BMPR1B: variants seen among roughly 807,000 people sequenced by gnomAD.
The protein encoded by BMPR1B is bone morphogenetic protein receptor type 1B.
BMPR1B carries 12 observed loss-of-function variants against 59.1 expected under a neutral mutation model. That is an observed-to-expected ratio of 0.20 (90% CI 0.13 to 0.33). The LOEUF is 0.33. Among genes scored for constraint, BMPR1B ranks in the 10% least tolerant of loss-of-function variants. The pLI is 1.00. For missense variants in BMPR1B, 550 were observed against 610.9 expected (o/e 0.90, Z 1.05); for synonymous variants, 237 against 207.3 (o/e 1.14, Z -1.23).
chr4:95,014,593 C>T (rs1199008352), intron 3 of BMPR1B, among the ~76,000 whole-genome samples: 1 of 152,116 alleles, frequency 6.6e-6, no homozygotes, highest in Admixed American at 6.6e-5. Flanking sequence ...GGCATGATTG[C>T]ATTCTCTATT....
chr4:94,777,747 C>T lies in BMPR1B; in HGVS notation c.-183+19679C>T, dbSNP rs574492284. On this transcript the variant is annotated intron_variant, in intron 1 of 12. Transcript: ENST00000515059. Reference sequence around the variant, plus strand: ...TTTTAAAAAATATAGAAGTTTTGGCCGGGCGTGGTGTCTCACGTCTGTAAT... The same window carrying T: ...TTTTAAAAAATATAGAAGTTTTGGCTGGGCGTGGTGTCTCACGTCTGTAAT... Among the ~76,000 whole-genome samples the T allele has an allele frequency of 3.4e-3, 518 of 152,092 alleles. 7 individuals are homozygous for T. The highest frequency in any genetic ancestry group is 0.012 in the African/African-American group (477 of 41,464).
intron 2 of BMPR1B, among the ~76,000 whole-genome samples, chr4:94,987,715 T>A (rs1238801219): frequency 6.6e-6 from 1 of 152,186 alleles, no homozygotes; most frequent in Admixed American, 6.5e-5. Flanking sequence ...TACTTCTTAT[T>A]CTTAAGATTC....
intron 1 of BMPR1B, among the ~76,000 whole-genome samples, chr4:94,801,809 GA>G (rs1355051036): frequency 1.3e-5 from 2 of 152,070 alleles, no homozygotes; most frequent in Non-Finnish European, 2.9e-5. Flanking sequence ...TTCTTCCCTG[GA>G]TTTTGCTGAG....
intron 1 of BMPR1B, among the ~76,000 whole-genome samples, chr4:94,826,242 G>A (rs934237654): frequency 6.6e-6 from 1 of 152,142 alleles, no homozygotes; most frequent in African/African-American, 2.4e-5. Context: ...CTTCGGCTGT[G>A]GTCTTTCGGT....
intron 3 of BMPR1B, among the ~76,000 whole-genome samples, chr4:95,032,734 G>GA (rs1724966288): frequency 6.6e-6 from 1 of 152,100 alleles, no homozygotes; most frequent in African/African-American, 2.4e-5. Context: ...ATATTCTGTT[G>GA]TAGTGTAGAC....
chr4:95,139,055 T>C (rs1734018861), intron 10 of BMPR1B, among the ~76,000 whole-genome samples: 1 of 152,164 alleles, frequency 6.6e-6, no homozygotes, highest in African/African-American at 2.4e-5. Flanking sequence ...TTTATCTGCC[T>C]TTGGTCTTTG....
At chr4:95,134,303 T>C (rs943016690) in intron 10 of BMPR1B, among the ~76,000 whole-genome samples, 1 of 152,212 alleles carries the variant, frequency 6.6e-6, no homozygotes, top group African/African-American at 2.4e-5. Flanking sequence ...TCCCAGTCTT[T>C]GCTATTGTGA....
chr4:94,950,613 T>A (rs181296280), intron 2 of BMPR1B, among the ~76,000 whole-genome samples: 23 of 152,250 alleles, frequency 1.5e-4, no homozygotes, highest in Admixed American at 9.8e-4. Flanking sequence ...TGTGTGGTGT[T>A]GTTTCTGAGG....
chr4:94,907,836 C>G (rs1728106381), intron 2 of BMPR1B, among the ~76,000 whole-genome samples: 1 of 151,208 alleles, frequency 6.6e-6, no homozygotes, highest in Admixed American at 6.6e-5. Flanking sequence ...CTTTTTCTAT[C>G]TAGTAGTAAA....
intron 2 of BMPR1B, among the ~76,000 whole-genome samples, chr4:94,947,381 G>T (rs889901894): frequency 6.6e-6 from 1 of 152,206 alleles, no homozygotes; most frequent in Non-Finnish European, 1.5e-5. Flanking sequence ...TGGGTAAAGC[G>T]AAAGACTGGA....
chr4:94,805,554 GTGT>G (rs1213215920), intron 1 of BMPR1B, among the ~76,000 whole-genome samples: 15 of 152,146 alleles, frequency 9.9e-5, no homozygotes, highest in Non-Finnish European at 7.4e-5. Flanking sequence ...AAACTGGTGT[GTGT>G]TTATGAGCTA....
chr4:94,994,900 C>G (rs866821318), intron 2 of BMPR1B, among the ~76,000 whole-genome samples: 11 of 152,296 alleles, frequency 7.2e-5, no homozygotes, highest in South Asian at 6.2e-4. Context: ...AGTTTTGGCT[C>G]TGTCACAAAG....
intron 1 of BMPR1B, among the ~76,000 whole-genome samples, chr4:94,811,742 A>T (rs530831783): frequency 5.9e-5 from 9 of 152,256 alleles, no homozygotes; most frequent in South Asian, 2.1e-4. Flanking sequence ...TTTGAATCCA[A>T]ATATTTTCTC....
intron 1 of BMPR1B, among the ~76,000 whole-genome samples, chr4:94,788,198 A>G (rs1383013549): frequency 6.6e-6 from 1 of 152,200 alleles, no homozygotes; most frequent in Non-Finnish European, 1.5e-5. Context: ...CACAGGACAC[A>G]GTAAGAATTC....
intron 1 of BMPR1B, among the ~76,000 whole-genome samples, chr4:94,810,928 G>A (rs541741404): frequency 6.6e-4 from 100 of 152,276 alleles, no homozygotes; most frequent in African/African-American, 2.3e-3. Flanking sequence ...TGTGTGTAGT[G>A]CACAACACAG....
chr4:94,877,972 A>G (rs1408149300), intron 2 of BMPR1B, among the ~76,000 whole-genome samples: 6 of 152,148 alleles, frequency 3.9e-5, no homozygotes, highest in African/African-American at 1.4e-4. Flanking sequence ...GTGTGTGTGT[A>G]TATGCATTTA....
At chr4:95,018,887 C>T (rs1198888437) in intron 3 of BMPR1B, among the ~76,000 whole-genome samples, 9 of 152,206 alleles carry the variant, frequency 5.9e-5, no homozygotes, top group Admixed American at 2.6e-4. Flanking sequence ...TAATTGGCAC[C>T]TCGGACTTCA....
intron 1 of BMPR1B, among the ~76,000 whole-genome samples, chr4:94,842,123 A>AT (rs1560510898): frequency 6.6e-6 from 1 of 152,058 alleles, no homozygotes; most frequent in Non-Finnish European, 1.5e-5. Flanking sequence ...AGCACAAATT[A>AT]TTTTTTACAT....
At chr4:95,104,695 A>G in intron 4 of BMPR1B, 128 bp downstream of exon 4, 2 of 1,199,204 alleles carry the variant, frequency 1.7e-6, no homozygotes, top group Non-Finnish European at 2.4e-6. Context: ...GTAAACTCTT[A>G]GAGCTGTGCT....
Sources: allele counts gnomAD v4.1 joint callset (sites outside exome capture counted in the v4.1 genomes callset), GRCh38; gene constraint gnomAD v4.1.1; transcripts MANE v1.5; gene names NCBI Gene and HGNC (gene_info 2026-07-23, HGNC 2026-07-21).